UGT2A2: variants seen among roughly 807,000 people sequenced by gnomAD.
The protein encoded by UGT2A2 is UDP glucuronosyltransferase family 2 member A2, also known as UDP-glucuronosyltransferase 2A2.
UGT2A2 carries 60 observed loss-of-function variants against 50.7 expected under a neutral mutation model. The observed-to-expected ratio is 1.18, with a 90% CI of 0.96 to 1.47. The LOEUF is 1.47. UGT2A2 is among the 40% of genes most tolerant of loss of function. The probability of loss-of-function intolerance (pLI) is 0.00; values close to 1 mark genes in which losing one functional copy is unlikely to be tolerated. For missense variants in UGT2A2, 762 were observed against 634.0 expected (o/e 1.20, Z -2.17); for synonymous variants, 242 against 214.6 (o/e 1.13, Z -1.11).
chr4:69,635,888 A>T (rs1226496487), intron 1 of UGT2A2: 1 of 148,176 alleles, frequency 6.7e-6, no homozygotes, highest in African/African-American at 2.5e-5. Flanking sequence ...GTTAAATTTG[A>T]TGGTGCCATG....
intron 1 of UGT2A2, among the ~76,000 whole-genome samples, chr4:69,603,128 T>C (rs1449898897): frequency 7.3e-6 from 1 of 136,546 alleles, no homozygotes; most frequent in Non-Finnish European, 1.6e-5. Flanking sequence ...AATCACAAGT[T>C]TCATAAACCT....
chr4:69,613,278 A>C lies in UGT2A2; in HGVS notation c.743-13884T>G, dbSNP rs907221618. Among the ~76,000 whole-genome samples, 5 of 151,998 alleles carry C rather than the reference A, an allele frequency of 3.3e-5. No individual in the cohort carries two copies. In the South Asian group the frequency reaches 1.0e-3, roughly 31 times the overall value. ...TAGACATATATAGCCCATAAGACTGAAGTGTGAAGAAATCCAAAACCTGAA... is the reference window on the plus strand; with the variant it reads ...TAGACATATATAGCCCATAAGACTGCAGTGTGAAGAAATCCAAAACCTGAA... On this transcript the variant is annotated intron_variant, in intron 1 of 5. Coordinates refer to ENST00000604629, the MANE Select transcript of UGT2A2 (RefSeq NM_001105677.2).
At position 69,589,198 on chromosome 4, in the gene UGT2A2, C is replaced by T. The variant is rs368030038; in HGVS notation, c.*174G>A. ...CTATAACTCACAAGTTAATAATAAT[C>T]ATGCCAAAATCTAGGCTTTATCAGT... On this transcript the variant is annotated 3_prime_UTR_variant, in exon 6 of 6. Transcript: ENST00000604629. 242 of 807,750 alleles carry T rather than the reference C, an allele frequency of 3.0e-4. 1 individual carries two copies. The East Asian group carries it at 6.2e-3, about 21-fold the overall frequency. 50.0% of individuals were successfully genotyped at this position (807,750 alleles called of 1,614,324 possible). A position where few individuals can be genotyped will look rare whatever the true frequency, so the allele number is the denominator to read the frequency against.
intron 5 of UGT2A2, among the ~76,000 whole-genome samples, chr4:69,591,304 G>A (rs899644953): frequency 3.3e-5 from 5 of 152,136 alleles, no homozygotes; most frequent in African/African-American, 4.8e-5. Context: ...AATCAAATAT[G>A]TTTAAGAAAT....
At chr4:69,597,823 G>A (rs1311924992) in intron 2 of UGT2A2, among the ~76,000 whole-genome samples, 1 of 151,956 alleles carries the variant, frequency 6.6e-6, no homozygotes, top group African/African-American at 2.4e-5. Context: ...TGTATTCTGT[G>A]TACCCAGTGA....
intron 1 of UGT2A2, among the ~76,000 whole-genome samples, chr4:69,607,530 C>G (rs868352934): frequency 1.3e-5 from 2 of 151,896 alleles, no homozygotes; most frequent in East Asian, 3.9e-4. Context: ...ATGTCTAAAA[C>G]ACCAAAAGCA....
At chr4:69,615,376 T>C (rs1720317990) in intron 1 of UGT2A2, among the ~76,000 whole-genome samples, 1 of 151,870 alleles carries the variant, frequency 6.6e-6, no homozygotes, top group South Asian at 2.1e-4. Flanking sequence ...TGGGATCACA[T>C]CAACCTCAAC....
chr4:69,635,755 A>G (rs1577997323), intron 1 of UGT2A2: 1 of 221,514 alleles, frequency 4.5e-6, no homozygotes. Flanking sequence ...TGAACCCGGG[A>G]AGCAGAGGTT....
chr4:69,607,283 A>T (rs1719692604), intron 1 of UGT2A2, among the ~76,000 whole-genome samples: 1 of 150,866 alleles, frequency 6.6e-6, no homozygotes, highest in South Asian at 2.1e-4. Context: ...CAACCATCTG[A>T]TCTTTGACAA....
chr4:69,626,447 T>C (rs1361717909), intron 1 of UGT2A2, among the ~76,000 whole-genome samples: 3 of 151,714 alleles, frequency 2.0e-5, no homozygotes, highest in African/African-American at 7.2e-5. Flanking sequence ...AGTTGTTTTA[T>C]GACCTGTTTC....
intron 5 of UGT2A2, among the ~76,000 whole-genome samples, chr4:69,592,004 G>T (rs1310376264): frequency 6.6e-6 from 1 of 152,142 alleles, no homozygotes; most frequent in Non-Finnish European, 1.5e-5. Context: ...TTGGAATGTG[G>T]ATGGGGAGCA....
Position 69,599,405 on chromosome 4 carries a change from T to C in UGT2A2, c.743-11A>G, listed in dbSNP as rs376314976. 12 of 1,611,270 alleles carry C rather than the reference T, an allele frequency of 7.4e-6. No homozygotes were observed. The African/African-American group carries it at 1.5e-4, about 20-fold the overall frequency. ...ACGTAGTGGGTCTTCCTGGAGAAAA[T>C]GTAACAAGTTGGATGGAGGAAATTA... On this transcript the variant is annotated splice_polypyrimidine_tract_variant and intron_variant, in intron 1 of 5. Transcript: ENST00000604629.
intron 1 of UGT2A2, among the ~76,000 whole-genome samples, chr4:69,616,758 T>C (rs1720415083): frequency 6.6e-6 from 1 of 151,728 alleles, no homozygotes; most frequent in African/African-American, 2.4e-5. Context: ...TCCATTTAGT[T>C]GGAACTGTAG....
intron 1 of UGT2A2, among the ~76,000 whole-genome samples, chr4:69,627,909 G>T (rs949082360): frequency 6.6e-6 from 1 of 151,884 alleles, no homozygotes; most frequent in Non-Finnish European, 1.5e-5. Context: ...ATTAATTTTT[G>T]CATACTGACC....
rs578228771 is a variant in UGT2A2, at chr4:69,599,302, G to C, written c.835C>G (p.Pro279Ala). The C allele has an allele frequency of 6.2e-7, 1 of 1,613,794 alleles. No homozygotes were observed. The highest frequency in any genetic ancestry group is 1.7e-5 in the Admixed American group (1 of 59,946). The change falls in exon 2 of 6, where the codon CCT becomes GCT. Residue 279 changes from proline to alanine, a missense_variant. Physicochemically the swap from Pro to Ala is conservative, Grantham distance 27. Coordinates refer to ENST00000604629, the MANE Select transcript of UGT2A2 (RefSeq NM_001105677.2). ...AATCCTCCAACAAACTCAAAATTAG[G>C]TAAGTATGGACGAGGAAATTCAAAA... ...WDFEFPRPYL[P>A]NFEFVGGLHC...
rs1210461675 is a variant in UGT2A2, at chr4:69,596,147, A to G, written c.1023+103T>C. On this transcript the variant is annotated intron_variant, in intron 3 of 5. Transcript: ENST00000604629. ...CTTACAACTGTTACTAGTGATACTC[A>G]GTGTATAATGAGTTTTGATTTTCAT... The G allele has an allele frequency of 5.3e-6, 7 of 1,331,572 alleles. No homozygotes were observed. In the African/African-American group the frequency reaches 8.9e-5, roughly 17 times the overall value. The allele number at this position is 1,331,572 out of a possible 1,614,324, so 82.5% of individuals were successfully genotyped here. A position where few individuals can be genotyped will look rare whatever the true frequency, so the allele number is the denominator to read the frequency against.
At chr4:69,614,562 C>A (rs1395240788) in intron 1 of UGT2A2, among the ~76,000 whole-genome samples, 3 of 151,972 alleles carry the variant, frequency 2.0e-5, no homozygotes. Context: ...CATTACTTGA[C>A]TTCAAATTAT....
At chr4:69,624,524 C>G (rs1344022997) in intron 1 of UGT2A2, among the ~76,000 whole-genome samples, 1 of 151,190 alleles carries the variant, frequency 6.6e-6, no homozygotes, top group Admixed American at 6.6e-5. Flanking sequence ...GTTACCTCAT[C>G]TCTTTTTTGT....
At chr4:69,617,589 A>G (rs548081113) in intron 1 of UGT2A2, among the ~76,000 whole-genome samples, 5 of 151,970 alleles carry the variant, frequency 3.3e-5, no homozygotes, top group Admixed American at 3.3e-4. Flanking sequence ...GTTTCAAATT[A>G]GGGCTAGTGC....
Sources: gnomAD v4.1 joint callset for allele counts (sites outside exome capture counted in the v4.1 genomes callset) on GRCh38, gnomAD v4.1.1 for gene constraint, MANE v1.5 for transcripts, NCBI Gene and HGNC (gene_info 2026-07-23, HGNC 2026-07-21) for gene names.